ASIC2: variants seen among roughly 807,000 people sequenced by gnomAD.
ASIC2 encodes acid sensing ion channel subunit 2.
A neutral mutation model predicts 57.3 loss-of-function variants in ASIC2; 25 were observed. The observed-to-expected ratio is 0.44, with a 90% CI of 0.32 to 0.61. ASIC2 has a LOEUF of 0.61. ASIC2 is among the 20% of genes least tolerant of loss of function. The pLI is 0.06. For missense variants in ASIC2, 641 were observed against 738.1 expected (o/e 0.87, Z 1.52); for synonymous variants, 319 against 307.5 (o/e 1.04, Z -0.39).
chr17:33,181,570 G>T (rs1185022622), intron 1 of ASIC2, among the ~76,000 whole-genome samples: 1 of 152,094 alleles, frequency 6.6e-6, no homozygotes, highest in Non-Finnish European at 1.5e-5. Context: ...TTGGCTTGTG[G>T]CAGTGTGACT....
intron 2 of ASIC2, among the ~76,000 whole-genome samples, chr17:33,105,175 C>T (rs1567746509): frequency 6.6e-6 from 1 of 152,144 alleles, no homozygotes; most frequent in Non-Finnish European, 1.5e-5. Context: ...GGCTTTGTCC[C>T]CACCCAAATC....
intron 1 of ASIC2, among the ~76,000 whole-genome samples, chr17:33,956,206 G>C (rs1904729507): frequency 6.6e-6 from 1 of 152,194 alleles, no homozygotes; most frequent in Non-Finnish European, 1.5e-5. Context: ...AGAGTCAATA[G>C]GAGCGGGAGC....
At chr17:34,032,545 C>T (rs1907663383) in intron 1 of ASIC2, among the ~76,000 whole-genome samples, 1 of 152,154 alleles carries the variant, frequency 6.6e-6, no homozygotes, top group Admixed American at 6.5e-5. Flanking sequence ...GCTAAATTCT[C>T]CAATTAAAAG....
At chr17:33,999,941 G>A (rs775700165) in intron 1 of ASIC2, among the ~76,000 whole-genome samples, 1 of 151,882 alleles carries the variant, frequency 6.6e-6, no homozygotes, top group Non-Finnish European at 1.5e-5. Flanking sequence ...AAGTGCTCTA[G>A]TGGTGATGAT....
At chr17:33,086,753 C>T (rs1455326222) in intron 3 of ASIC2, among the ~76,000 whole-genome samples, 1 of 152,096 alleles carries the variant, frequency 6.6e-6, no homozygotes, top group African/African-American at 2.4e-5. Context: ...ACTCTTTGCT[C>T]CAGCCAACAC....
intron 3 of ASIC2, among the ~76,000 whole-genome samples, chr17:33,069,679 A>G (rs539513690): frequency 6.6e-6 from 1 of 152,260 alleles, no homozygotes; most frequent in South Asian, 2.1e-4. Context: ...TGATCAGTGT[A>G]AGTATGGTAT....
At chr17:33,400,016 G>A (rs969575773) in intron 1 of ASIC2, among the ~76,000 whole-genome samples, 1 of 152,224 alleles carries the variant, frequency 6.6e-6, no homozygotes, top group Admixed American at 6.5e-5. Flanking sequence ...ATAGAGACCT[G>A]TCTGCACAGG....
At chr17:33,308,229 T>C (rs914750610) in intron 1 of ASIC2, among the ~76,000 whole-genome samples, 1 of 152,236 alleles carries the variant, frequency 6.6e-6, no homozygotes, top group Non-Finnish European at 1.5e-5. Context: ...TCTCTAAATT[T>C]ATGTTTTCTT....
chr17:33,269,685 T>TCCCG (rs1429667347), intron 1 of ASIC2, among the ~76,000 whole-genome samples: 66 of 68,522 alleles, frequency 9.6e-4, no homozygotes, highest in South Asian at 1.9e-3. Flanking sequence ...CCTCCCTCCC[T>TCCCG]CCTGCCTGCC....
intron 1 of ASIC2, among the ~76,000 whole-genome samples, chr17:33,834,779 G>C (rs999017839): frequency 2.0e-5 from 3 of 152,156 alleles, no homozygotes; most frequent in Admixed American, 6.5e-5. Context: ...TGCTGCCTCT[G>C]TCTCTCCGTG....
At chr17:33,820,908 C>A (rs972392433) in intron 1 of ASIC2, among the ~76,000 whole-genome samples, 1 of 152,138 alleles carries the variant, frequency 6.6e-6, no homozygotes, top group African/African-American at 2.4e-5. Flanking sequence ...ATAAGGCTTG[C>A]GTTATAGTTC....
chr17:33,196,528 T>C (rs1487341792), intron 1 of ASIC2, among the ~76,000 whole-genome samples: 1 of 152,152 alleles, frequency 6.6e-6, no homozygotes, highest in African/African-American at 2.4e-5. Context: ...AGAATTACAA[T>C]GGCCTGTCCT....
intron 1 of ASIC2, chr17:34,041,388 C>G (rs1184989528): frequency 6.6e-6 from 1 of 152,188 alleles, no homozygotes; most frequent in Non-Finnish European, 1.5e-5. Context: ...CACTTCTATT[C>G]AATCACTCAG....
At chr17:33,119,629 C>T (rs1287715374) in intron 1 of ASIC2, among the ~76,000 whole-genome samples, 1 of 152,208 alleles carries the variant, frequency 6.6e-6, no homozygotes, top group Non-Finnish European at 1.5e-5. Flanking sequence ...TATTAAAAAA[C>T]CTGCTTGCTC....
At chr17:33,569,587 CTTCGTGTGCACTTA>C (rs1567653777) in intron 1 of ASIC2, 1 of 152,230 alleles carries the variant, frequency 6.6e-6, no homozygotes, top group Non-Finnish European at 1.5e-5. Context: ...CAGGCTCTTC[CTTCGTGTGCACTTA>C]TTCATCCATC....
intron 1 of ASIC2, among the ~76,000 whole-genome samples, chr17:33,231,300 A>G (rs1350613058): frequency 6.6e-6 from 1 of 152,072 alleles, no homozygotes; most frequent in East Asian, 1.9e-4. Context: ...TAGGCCTAAT[A>G]TCTGTGGGAG....
intron 1 of ASIC2, chr17:34,006,060 A>G (rs1906514488): frequency 6.6e-6 from 1 of 152,248 alleles, no homozygotes; most frequent in Non-Finnish European, 1.5e-5. Flanking sequence ...CAGACCAAAA[A>G]TAAATAAGCC....
At chr17:33,581,333 A>G (rs1030444681) in intron 1 of ASIC2, 1 of 152,168 alleles carries the variant, frequency 6.6e-6, no homozygotes, top group African/African-American at 2.4e-5. Context: ...ATCTGCCAAC[A>G]CCCTGAGTGA....
chr17:33,560,737 G>A (rs986674157), intron 1 of ASIC2, among the ~76,000 whole-genome samples: 1 of 152,228 alleles, frequency 6.6e-6, no homozygotes, highest in African/African-American at 2.4e-5. Context: ...TCCTCTGGGT[G>A]AGGGCAGACT....
Sources: gnomAD v4.1 joint callset for allele counts (sites outside exome capture counted in the v4.1 genomes callset) on GRCh38, gnomAD v4.1.1 for gene constraint, MANE v1.5 for transcripts, NCBI Gene and HGNC (gene_info 2026-07-23, HGNC 2026-07-21) for gene names.